LUZP2: variants seen among roughly 807,000 people sequenced by gnomAD.
LUZP2 encodes leucine zipper protein 2.
In LUZP2, 52 loss-of-function variants were observed where a neutral mutation model predicts 51.6. The observed-to-expected ratio is 1.01, with a 90% CI of 0.81 to 1.27. The LOEUF is 1.27. Ranked by LOEUF, LUZP2 falls within the 50% of genes most tolerant of loss-of-function variation. The probability of loss-of-function intolerance (pLI) is 0.00; values close to 1 mark genes in which losing one functional copy is unlikely to be tolerated. For missense variants in LUZP2, 436 were observed against 395.4 expected (o/e 1.10, Z -0.87); for synonymous variants, 154 against 137.3 (o/e 1.12, Z -0.85).
chr11:24,523,608 A>C (rs1295299578), intron 1 of LUZP2, among the ~76,000 whole-genome samples: 1 of 151,224 alleles, frequency 6.6e-6, no homozygotes, highest in Non-Finnish European at 1.5e-5. Flanking sequence ...CAGGTAGTAC[A>C]TTTAGATTGA....
intron 5 of LUZP2, among the ~76,000 whole-genome samples, chr11:24,879,926 G>A (rs1012964597): frequency 1.3e-5 from 2 of 152,144 alleles, no homozygotes; most frequent in Non-Finnish European, 2.9e-5. Context: ...GGTTGAGAGA[G>A]GAATGGCACA....
intron 7 of LUZP2, among the ~76,000 whole-genome samples, 176 bp from the exon 8 acceptor site, chr11:24,976,415 A>G (rs755148922): frequency 6.6e-6 from 1 of 151,796 alleles, no homozygotes; most frequent in Admixed American, 6.6e-5. Flanking sequence ...TCTGCACATC[A>G]AATTATCATG....
intron 9 of LUZP2, among the ~76,000 whole-genome samples, chr11:25,013,151 T>C (rs1857030485): frequency 6.6e-6 from 1 of 152,200 alleles, no homozygotes; most frequent in Admixed American, 6.5e-5. Flanking sequence ...TGTTCTCCCT[T>C]ATATGTGGGA....
intron 7 of LUZP2, among the ~76,000 whole-genome samples, chr11:24,920,948 TAAAA>T (rs913400404): frequency 2.5e-4 from 38 of 152,032 alleles, no homozygotes; most frequent in African/African-American, 8.9e-4. Flanking sequence ...TGTATACAAA[TAAAA>T]AAGAAAATAT....
chr11:24,951,335 G>T (rs1009207883), intron 7 of LUZP2, among the ~76,000 whole-genome samples: 2 of 151,344 alleles, frequency 1.3e-5, no homozygotes, highest in African/African-American at 4.8e-5. Flanking sequence ...ACAATTCTTG[G>T]CATATGATAA....
At chr11:24,817,956 C>T (rs550784115) in intron 5 of LUZP2, among the ~76,000 whole-genome samples, 14 of 151,994 alleles carry the variant, frequency 9.2e-5, no homozygotes, top group Admixed American at 2.0e-4. Context: ...TTTATTGCTA[C>T]GGGAAGGTTA....
At chr11:24,997,616 T>G (rs1271350936) in intron 9 of LUZP2, among the ~76,000 whole-genome samples, 3 of 152,064 alleles carry the variant, frequency 2.0e-5, no homozygotes, top group East Asian at 1.9e-4. Context: ...AGAAGCTCTT[T>G]AGTTTAATTA....
At chr11:24,633,013 A>G (rs1385975027) in intron 1 of LUZP2, among the ~76,000 whole-genome samples, 1 of 152,048 alleles carries the variant, frequency 6.6e-6, no homozygotes, top group African/African-American at 2.4e-5. Context: ...GTCTTGAAGA[A>G]TGATAGGATA....
chr11:24,662,548 TGAA>T (rs1369022339), intron 1 of LUZP2, among the ~76,000 whole-genome samples: 1 of 152,014 alleles, frequency 6.6e-6, no homozygotes, highest in East Asian at 1.9e-4. Flanking sequence ...TAAAGTTTTC[TGAA>T]GAAAAACAGA....
At chr11:24,907,914 T>C (rs1464434830) in intron 6 of LUZP2, among the ~76,000 whole-genome samples, 1 of 152,192 alleles carries the variant, frequency 6.6e-6, no homozygotes, top group Non-Finnish European at 1.5e-5. Context: ...TGCCTACTAT[T>C]GAAATGTATT....
chr11:24,772,168 GA>G (rs1344703665), intron 5 of LUZP2, among the ~76,000 whole-genome samples: 24 of 152,222 alleles, frequency 1.6e-4, no homozygotes, highest in African/African-American at 5.8e-4. Context: ...ATTCTCAGAA[GA>G]AGTCCTTGAC....
intron 1 of LUZP2, among the ~76,000 whole-genome samples, chr11:24,595,561 T>G (rs887904480): frequency 2.0e-5 from 3 of 152,210 alleles, no homozygotes; most frequent in African/African-American, 7.2e-5. Context: ...TTTTTTACAT[T>G]AGAGGTTATT....
chr11:24,707,796 A>G (rs1427169640), intron 1 of LUZP2, among the ~76,000 whole-genome samples: 1 of 152,196 alleles, frequency 6.6e-6, no homozygotes, highest in Non-Finnish European at 1.5e-5. Flanking sequence ...ATAGCACTCG[A>G]ATATAAAATT....
intron 1 of LUZP2, among the ~76,000 whole-genome samples, chr11:24,684,892 A>G (rs1421605411): frequency 6.6e-6 from 1 of 152,204 alleles, no homozygotes; most frequent in African/African-American, 2.4e-5. Flanking sequence ...TATTCTTAAA[A>G]GTTACCTCCA....
At position 24,753,172 on chromosome 11, in the gene LUZP2, G is replaced by T. The variant is rs1040952231; in HGVS notation, c.334-10074G>T. The stretch of plus-strand genomic sequence containing the variant: ...ATGTCATAGAACATGAACATAAGCA[G>T]ATACATAGAATATCTTAAAAATACA... On this transcript the variant is annotated intron_variant, in intron 4 of 11. Coordinates refer to ENST00000336930, the MANE Select transcript of LUZP2 (RefSeq NM_001009909.4). Among the ~76,000 whole-genome samples, 26 of 152,066 alleles carry T rather than the reference G, an allele frequency of 1.7e-4. No individual in the cohort carries two copies. The East Asian group carries it at 2.7e-3, about 16-fold the overall frequency.
rs1269501938 is a variant in LUZP2 at position 24,676,313 on chromosome 11, T to A, written c.63-52856T>A. Among the ~76,000 whole-genome samples the A allele has an allele frequency of 2.6e-5, 4 of 152,300 alleles. No homozygotes were observed. In the East Asian group the frequency reaches 7.7e-4, roughly 29 times the overall value. On this transcript the variant is annotated intron_variant, in intron 1 of 11. Transcript: ENST00000336930. ...TAAAGCCCAAATGACTCCATTGATG[T>A]AGCTTCGGAAAAATCAAATAAATAA... is the stretch of plus-strand genomic sequence containing the variant.
chr11:24,864,207 T>C (rs192246654), intron 5 of LUZP2, among the ~76,000 whole-genome samples: 145 of 152,312 alleles, frequency 9.5e-4, no homozygotes, highest in Admixed American at 1.7e-3. Context: ...CTAAGCCTGA[T>C]ACACACATGT....
In LUZP2 at chr11:24,732,205, T is replaced by A; in HGVS notation, c.251+17T>A. ...GAAACAAAGGTAAGACTTTTCTTTTTTTCTTAGTTATTTCTGCCATAGTGT... is the reference window on the plus strand; with the variant it reads ...GAAACAAAGGTAAGACTTTTCTTTTATTCTTAGTTATTTCTGCCATAGTGT... On this transcript the variant is annotated intron_variant, in intron 3 of 11. Coordinates refer to ENST00000336930, the MANE Select transcript of LUZP2 (RefSeq NM_001009909.4). 6.3e-7 allele frequency: 1 copy of A among 1,578,984 alleles called. No individual in the cohort carries two copies. The highest frequency in any genetic ancestry group is 8.6e-7 in the Non-Finnish European group (1 of 1,158,380).
intron 11 of LUZP2, 70 bp from the exon 12 acceptor site, chr11:25,078,484 A>C: frequency 8.3e-7 from 1 of 1,198,372 alleles, no homozygotes; most frequent in Non-Finnish European, 1.2e-6. Context: ...ATTCTTTTAG[A>C]CTTTTCAATT....
Sources: allele counts gnomAD v4.1 joint callset (sites outside exome capture counted in the v4.1 genomes callset), GRCh38; gene constraint gnomAD v4.1.1; transcripts MANE v1.5; gene names NCBI Gene and HGNC (gene_info 2026-07-23, HGNC 2026-07-21).